The following TBC1D4 variants were observed in gnomAD, a reference collection of about 807,000 sequenced individuals.
TBC1D4 encodes TBC (Tre-2, BUB2, CDC16) domain-containing protein.
TBC1D4 carries 121 observed loss-of-function variants against 142.5 expected under a neutral mutation model. The observed-to-expected ratio is 0.85, with a 90% CI of 0.73 to 0.99. The LOEUF (loss-of-function observed/expected upper bound fraction) is 0.99. Ranked by LOEUF, TBC1D4 falls within the 50% of genes least tolerant of loss-of-function variation. The probability of loss-of-function intolerance (pLI) is 0.00; values close to 1 mark genes in which losing one functional copy is unlikely to be tolerated. For synonymous variants in TBC1D4, 630 were observed against 628.2 expected, an observed-to-expected ratio of 1.00 and a Z score of -0.04; for missense variants, 1,475 against 1,606.6, an observed-to-expected ratio of 0.92 and a Z score of 1.40.
At chr13:75,399,924 G>C (rs1884997617) in intron 1 of TBC1D4, among the ~76,000 whole-genome samples, 1 of 152,138 alleles carries the variant, frequency 6.6e-6, no homozygotes, top group South Asian at 2.1e-4. Flanking sequence ...TGTAAGGCAG[G>C]TCATGCTAGC....
intron 1 of TBC1D4, among the ~76,000 whole-genome samples, chr13:75,379,052 A>C (rs950545293): frequency 2.0e-5 from 3 of 152,162 alleles, no homozygotes; most frequent in Non-Finnish European, 4.4e-5. Context: ...TTAGGTGTTG[A>C]GCAACATTAA....
In TBC1D4 at chr13:75,286,816, T is replaced by C. The variant is rs534481050; in HGVS notation, c.3873A>G (p.Lys1291=). 6.2e-7 allele frequency: 1 copy of C among 1,613,880 alleles called. No homozygotes were observed. The highest frequency in any genetic ancestry group is 2.2e-5 in the East Asian group (1 of 44,878). The change falls in exon 21 of 21, where the codon AAA becomes AAG. Residue 1291 remains lysine (K), a synonymous_variant. Transcript: ENST00000377636. ...ATTATGGCTTATTTCCTATCTTGGC[T>C]TTGTTGTTAGGGTTGCAGTTTAGGT... The part of the protein sequence containing the change: ...LRDLNCNPNN[K]AKIGNKP
chr13:75,393,213 T>TA (rs1884589747), intron 1 of TBC1D4, among the ~76,000 whole-genome samples: 2 of 151,946 alleles, frequency 1.3e-5, no homozygotes, highest in Non-Finnish European at 2.9e-5. Context: ...TTCCTTTTGC[T>TA]ACCAAACTCT....
At chr13:75,366,285 A>T (rs1882903024) in intron 1 of TBC1D4, among the ~76,000 whole-genome samples, 1 of 152,132 alleles carries the variant, frequency 6.6e-6, no homozygotes, top group South Asian at 2.1e-4. Flanking sequence ...TTTGCTCAAG[A>T]CCTCTGGGAA....
intron 10 of TBC1D4, 98 bp from the exon 11 acceptor site, chr13:75,324,499 T>C: frequency 7.0e-7 from 1 of 1,432,884 alleles, no homozygotes; most frequent in Non-Finnish European, 9.6e-7. Flanking sequence ...TGCTATTAAT[T>C]TAATCTTTCC....
At chr13:75,424,411 G>T (rs1482939941) in intron 1 of TBC1D4, among the ~76,000 whole-genome samples, 2 of 151,730 alleles carry the variant, frequency 1.3e-5, no homozygotes, top group East Asian at 1.9e-4. Flanking sequence ...AATCATTTTT[G>T]ATAATATTGT....
chr13:75,435,745 G>T (rs1302216351), intron 1 of TBC1D4, among the ~76,000 whole-genome samples: 2 of 152,152 alleles, frequency 1.3e-5, no homozygotes, highest in Non-Finnish European at 2.9e-5. Context: ...GACAAGCTAG[G>T]TAAGTATAAA....
At chr13:75,287,140 A>G in intron 20 of TBC1D4, 115 bp from the exon 21 acceptor site, 1 of 883,822 alleles carries the variant, frequency 1.1e-6, no homozygotes, top group Non-Finnish European at 1.8e-6. Context: ...TGTGAAGCAA[A>G]TACTCTGAAA....
chr13:75,312,473 T>C (rs1382128950), intron 13 of TBC1D4, among the ~76,000 whole-genome samples: 1 of 149,554 alleles, frequency 6.7e-6, no homozygotes, highest in Non-Finnish European at 1.5e-5. Context: ...GCTTCTTTCC[T>C]AGCACTATCA....
Position 75,310,181 on chromosome 13 carries a change from C to T in TBC1D4, c.2384-30G>A, listed in dbSNP as rs1210365687. The T allele has an allele frequency of 3.1e-6, 5 of 1,601,168 alleles. No individual in the cohort carries two copies. In the South Asian group the frequency reaches 4.4e-5, roughly 14 times the overall value. On this transcript the variant is annotated intron_variant, in intron 13 of 20. Coordinates refer to ENST00000377636, the MANE Select transcript of TBC1D4 (RefSeq NM_014832.5). Reference sequence around the variant, plus strand: ...AGAGAAGAACACAGTGAGAGGCATTCCTTAGCAGTAACCCAGACTACCCAA... The same window carrying T: ...AGAGAAGAACACAGTGAGAGGCATTTCTTAGCAGTAACCCAGACTACCCAA...
chr13:75,289,249 G>C, intron 19 of TBC1D4, 139 bp from the exon 20 acceptor site: 1 of 899,052 alleles, frequency 1.1e-6, no homozygotes, highest in South Asian at 1.5e-5. Flanking sequence ...CAAAAAAAAA[G>C]TGTAACTGTC....
chr13:75,319,932 C>A (rs1878613324), intron 12 of TBC1D4, 82 bp downstream of exon 12: 1 of 1,502,598 alleles, frequency 6.7e-7, no homozygotes, highest in Admixed American at 1.8e-5. Context: ...ACAAACAAAA[C>A]TGCTTTTTAA....
chr13:75,386,237 A>G (rs956155431), intron 1 of TBC1D4, among the ~76,000 whole-genome samples: 2 of 152,172 alleles, frequency 1.3e-5, no homozygotes, highest in African/African-American at 4.8e-5. Flanking sequence ...AACCATGACT[A>G]TCATTTAGTA....
chr13:75,284,007 A>T lies in TBC1D4; in HGVS notation c.*2785T>A, dbSNP rs527869526. On this transcript the variant is annotated 3_prime_UTR_variant, in exon 21 of 21. Transcript: ENST00000377636. The stretch of plus-strand genomic sequence containing the variant: ...TGCAAGCTCCGCCTCCCAGGTTCAA[A>T]CTATTCTCCAGCCTCCTATAAGTAG... Among the ~76,000 whole-genome samples the T allele has an allele frequency of 3.9e-5, 6 of 152,114 alleles. No homozygotes were observed. Among genetic ancestry groups the T allele is most frequent in the Admixed American group, 1.3e-4 (2 of 15,272 alleles).
chr13:75,387,446 T>C (rs1451664852), intron 1 of TBC1D4, among the ~76,000 whole-genome samples: 1 of 152,236 alleles, frequency 6.6e-6, no homozygotes, highest in African/African-American at 2.4e-5. Flanking sequence ...AATCCACTTC[T>C]TTACCTTGCA....
rs1418309158 is a variant in TBC1D4 at position 75,302,276 on chromosome 13, T to C, written c.2878A>G (p.Thr960Ala). The change falls in exon 16 of 21, where the codon ACT (threonine) becomes GCT (alanine). Residue 960 changes from threonine (T) to alanine (A), a missense_variant. Coordinates refer to ENST00000377636, the MANE Select transcript of TBC1D4 (RefSeq NM_014832.5). Reference protein sequence around the residue: ...ISYKELLKQLTAQQHAILVDL... With the variant: ...ISYKELLKQLAAQQHAILVDL... Reference sequence around the variant, plus strand: ...ACGAGAATCGCATGCTGCTGAGCAGTGAGCTGCTTCAAAAGTTCCTTATAG... The same window carrying C: ...ACGAGAATCGCATGCTGCTGAGCAGCGAGCTGCTTCAAAAGTTCCTTATAG... 9.9e-6 allele frequency: 16 copies of C among 1,613,742 alleles called. No homozygotes were observed. The highest frequency in any genetic ancestry group is 1.3e-5 in the Non-Finnish European group (15 of 1,179,616).
rs575165597 is a variant in TBC1D4, at chr13:75,417,859, C to A, written c.499-55252G>T. Among the ~76,000 whole-genome samples, 13 of 152,222 alleles carry A rather than the reference C, an allele frequency of 8.5e-5. No homozygotes were observed. In the South Asian group the frequency reaches 2.5e-3, roughly 29 times the overall value. ...AGATAAGCTTGGAAATCTGACAGTC[C>A]TATGTTCACATCGTGCCAATTACTA... On this transcript the variant is annotated intron_variant, in intron 1 of 20. Transcript: ENST00000377636.
chr13:75,390,042 G>A (rs1209626973), intron 1 of TBC1D4, among the ~76,000 whole-genome samples: 1 of 152,056 alleles, frequency 6.6e-6, no homozygotes, highest in Non-Finnish European at 1.5e-5. Context: ...TTGGGAGGGC[G>A]AGGCAGGCAG....
intron 1 of TBC1D4, among the ~76,000 whole-genome samples, chr13:75,391,063 CACACACACACAA>C (rs890975323): frequency 6.8e-6 from 1 of 146,900 alleles, no homozygotes; most frequent in Non-Finnish European, 1.5e-5. Context: ...CACACACACA[CACACACACACAA>C]ACAACTTGTA....
Sources: allele counts gnomAD v4.1 joint callset (sites outside exome capture counted in the v4.1 genomes callset), GRCh38; gene constraint gnomAD v4.1.1; transcripts MANE v1.5; gene names NCBI Gene and HGNC (gene_info 2026-07-23, HGNC 2026-07-21).